GPN3: variants seen among roughly 807,000 people sequenced by gnomAD.
GPN3 encodes the protein ATP-binding domain 1 family member C.
In GPN3, 31 loss-of-function variants were observed where a neutral mutation model predicts 38.7. That is an observed-to-expected ratio of 0.80 (90% confidence interval 0.60 to 1.08). The LOEUF is 1.08. GPN3 is among the 50% of genes least tolerant of loss of function. GPN3 has a pLI of 0.00. For missense variants in GPN3, 301 were observed against 354.4 expected (o/e 0.85, Z 1.21); for synonymous variants, 116 against 120.2 (o/e 0.96, Z 0.23).
chr12:110,453,774 T>C lies in GPN3; in HGVS notation c.761A>G (p.Tyr254Cys), dbSNP rs752484191. 1.9e-6 allele frequency: 3 copies of C among 1,601,466 alleles called. No individual in the cohort carries two copies. The highest frequency in any genetic ancestry group is 2.2e-5 in the South Asian group (2 of 90,784). ...VLQHIDFAIQ[Y>C]GEDLEFKEPK... ...TTCTTTAAATTCTAGGTCTTCTCCA[T>C]ATTGAATGGCAAAATCAATATGCTG... The change falls in exon 7 of 8, where the codon TAT becomes TGT. Residue 254 changes from tyrosine to cysteine, a missense_variant. Physicochemically the swap from Tyr to Cys is radical, Grantham distance 194. Transcript: ENST00000228827.
chr12:110,468,609 G>A, upstream of GPN3: 1 of 1,537,220 alleles, frequency 6.5e-7, no homozygotes, highest in Non-Finnish European at 8.7e-7. Flanking sequence ...ATACTGAAGT[G>A]GAAGGCACCT....
rs2062544446 is a variant in GPN3, at chr12:110,455,648, C to T, written c.601G>A (p.Asp201Asn). 7.2e-7 allele frequency: 1 copy of T among 1,392,952 alleles called. No homozygotes were observed. Among genetic ancestry groups the T allele is most frequent in the Non-Finnish European group, 1.0e-6 (1 of 980,054 alleles). 86.3% of individuals were successfully genotyped at this position (1,392,952 alleles called of 1,614,324 possible). A position where few individuals can be genotyped will look rare whatever the true frequency, so the allele number is the denominator to read the frequency against. The change falls in exon 6 of 8, where the codon GAT becomes AAT. Residue 201 changes from aspartate to asparagine, a missense_variant. Transcript: ENST00000228827. ...TTGCTTCTTAAGTCACTTGTAGAATCTTCTAATAAAGAATACATGTCTGGA... is the reference window on the plus strand; with the variant it reads ...TTGCTTCTTAAGTCACTTGTAGAATTTTCTAATAAAGAATACATGTCTGGA... Reference protein sequence around the residue: ...LDPDMYSLLEDSTSDLRSKKF... With the variant: ...LDPDMYSLLENSTSDLRSKKF...
At position 110,453,026 on chromosome 12, in the gene GPN3, TA is replaced by T; in HGVS notation, c.*7del. 8.0e-7 allele frequency: 1 copy of T among 1,251,786 alleles called. No individual in the cohort carries two copies. 77.5% of individuals were successfully genotyped at this position (1,251,786 alleles called of 1,614,324 possible). ...AAGCTCTTTAGATGGTTACTTTTAG[TA>T]AACTCTTCATTCATCCTGGCATTCT... On this transcript the variant is annotated 3_prime_UTR_variant, in exon 8 of 8. Transcript: ENST00000228827.
chr12:110,454,113 A>T (rs1255959325), intron 6 of GPN3, among the ~76,000 whole-genome samples: 1 of 152,204 alleles, frequency 6.6e-6, no homozygotes, highest in East Asian at 1.9e-4. Context: ...ACGGCTATTT[A>T]TCTGAATTCA....
intron 4 of GPN3, 139 bp downstream of exon 4, chr12:110,457,371 T>C (rs948041665): frequency 9.7e-6 from 5 of 516,098 alleles, no homozygotes; most frequent in Non-Finnish European, 1.5e-5. Flanking sequence ...AAGAATCACT[T>C]GAACTGGGAG....
rs1407532190 is a variant in GPN3, at chr12:110,453,814, T to C, written c.721A>G (p.Met241Val). Residue 241 changes from methionine to valine, a missense_variant, in exon 7 of 8, where the codon ATG becomes GTG. Met to Val is a conservative substitution (Grantham distance 21). Coordinates refer to ENST00000228827, the MANE Select transcript of GPN3 (RefSeq NM_016301.4). ...LPYDQSDEES[M>V]NIVLQHIDFA... ...TCAATATGCTGCAATACAATGTTCA[T>C]GCTTTCTTCATCTGACTGATCGTAA... The C allele has an allele frequency of 3.8e-6, 6 of 1,593,522 alleles. No homozygotes were observed. Among genetic ancestry groups the C allele is most frequent in the South Asian group, 3.3e-5 (3 of 90,650 alleles).
intron 2 of GPN3, among the ~76,000 whole-genome samples, chr12:110,461,868 G>A (rs1013264638): frequency 2.0e-5 from 3 of 152,066 alleles, no homozygotes; most frequent in Non-Finnish European, 4.4e-5. Flanking sequence ...TTTAGACAGG[G>A]TCTCACTCTG....
upstream of GPN3, chr12:110,468,392 G>A (rs2062652867): frequency 4.6e-6 from 7 of 1,524,348 alleles, no homozygotes; most frequent in Non-Finnish European, 5.3e-6. Context: ...AAAAAGGGGA[G>A]GGGCGAGGGA....
chr12:110,462,977 T>C (rs1355592231), intron 2 of GPN3, among the ~76,000 whole-genome samples: 2 of 151,900 alleles, frequency 1.3e-5, no homozygotes, highest in African/African-American at 2.4e-5. Flanking sequence ...AAGATGGTCT[T>C]GATCTCCTGA....
intron 7 of GPN3, among the ~76,000 whole-genome samples, chr12:110,453,344 G>A (rs1164805501): frequency 6.6e-6 from 1 of 152,026 alleles, no homozygotes; most frequent in Non-Finnish European, 1.5e-5. Flanking sequence ...CATTCAAGAC[G>A]ATTCTTGGCT....
At chr12:110,455,274 C>A (rs2062541877) in intron 6 of GPN3, among the ~76,000 whole-genome samples, 1 of 151,828 alleles carries the variant, frequency 6.6e-6, no homozygotes, top group Non-Finnish European at 1.5e-5. Context: ...AGGCGCACAC[C>A]ACCATGCCCA....
chr12:110,453,704 T>G (rs1242673927), intron 7 of GPN3, 39 bp downstream of exon 7: 12 of 1,565,884 alleles, frequency 7.7e-6, no homozygotes, highest in Non-Finnish European at 1.1e-5. Context: ...GGCAAATATT[T>G]TTATCAAAAG....
rs2062565984 is a variant in GPN3, at chr12:110,458,597, A to G, written c.326-963T>C. Reference sequence around the variant, plus strand: ...AGAGTTTGAGACCAGCCTGGCCAACACAGTGAAACCCTGTCTCTACTAAAA... The same window carrying G: ...AGAGTTTGAGACCAGCCTGGCCAACGCAGTGAAACCCTGTCTCTACTAAAA... On this transcript the variant is annotated intron_variant, in intron 3 of 7. Transcript: ENST00000228827. The surrounding 1 kb of genome is among the most constrained non-coding windows in gnomAD (Gnocchi z 4.4). 4.6e-5 allele frequency among the ~76,000 whole-genome samples: 7 copies of G among 152,096 alleles called. No individual in the cohort carries two copies. The highest frequency in any genetic ancestry group is 3.9e-4 in the Admixed American group (6 of 15,264).
intron 2 of GPN3, 114 bp from the exon 3 acceptor site, chr12:110,459,976 T>G (rs1413121619): frequency 1.3e-6 from 1 of 796,546 alleles, no homozygotes; most frequent in Non-Finnish European, 2.0e-6. Flanking sequence ...TGCAGGAAAT[T>G]ATTTATGTAC....
intron 6 of GPN3, among the ~76,000 whole-genome samples, chr12:110,454,652 C>T (rs1444253457): frequency 2.6e-5 from 4 of 151,070 alleles, no homozygotes; most frequent in South Asian, 2.1e-4. Context: ...GCACACCTGG[C>T]GCCCTTTTTG....
chr12:110,454,423 CTT>C (rs1261887477), intron 6 of GPN3, among the ~76,000 whole-genome samples: 1 of 144,666 alleles, frequency 6.9e-6, no homozygotes, highest in Non-Finnish European at 1.5e-5. Flanking sequence ...GAGTTTCGCT[CTT>C]GTTGCTCAAC....
intron 6 of GPN3, 110 bp from the exon 7 acceptor site, chr12:110,453,981 G>C (rs777113912): frequency 2.7e-6 from 2 of 736,616 alleles, no homozygotes; most frequent in Admixed American, 5.5e-5. Context: ...TAAAAACACT[G>C]ATGTGTTTAC....
intron 2 of GPN3, chr12:110,460,989 T>C: frequency 1.4e-6 from 2 of 1,440,638 alleles, no homozygotes; most frequent in Non-Finnish European, 2.0e-6. Flanking sequence ...CCCAGCAGAA[T>C]GGCTCCTGCA....
chr12:110,452,990 G>A lies in GPN3; in HGVS notation c.*44C>T, dbSNP rs769089314. 1.1e-5 allele frequency: 9 copies of A among 842,332 alleles called. No homozygotes were observed. The highest frequency in any genetic ancestry group is 1.5e-5 in the Non-Finnish European group (7 of 475,164). The allele number at this position is 842,332 out of a possible 1,614,324, so 52.2% of individuals were successfully genotyped here. A position where few individuals can be genotyped will look rare whatever the true frequency, so the allele number is the denominator to read the frequency against. ...CCTTTGAAGAGAAGAATGTTCTGCT[G>A]GTTTGGCCACAAGCTCTTTAGATGG... On this transcript the variant is annotated 3_prime_UTR_variant, in exon 8 of 8. Transcript: ENST00000228827.
Sources: gnomAD v4.1 joint callset for allele counts (sites outside exome capture counted in the v4.1 genomes callset) on GRCh38, gnomAD v4.1.1 for gene constraint, Gnocchi (gnomAD v3.1) non-coding constraint, MANE v1.5 for transcripts, NCBI Gene and HGNC (gene_info 2026-07-23, HGNC 2026-07-21) for gene names.